Variants in SETBP1 observed in about 807,000 individuals in gnomAD.
SETBP1 encodes SET-binding protein.
SETBP1 carries 9 observed loss-of-function variants against 101.0 expected under a neutral mutation model. The observed-to-expected ratio is 0.09, with a 90% CI of 0.05 to 0.16. The LOEUF (loss-of-function observed/expected upper bound fraction) is 0.16, where lower values mean the gene tolerates loss of function less well. Ranked by LOEUF, SETBP1 falls within the 10% of genes least tolerant of loss-of-function variation. The pLI is 1.00. For missense variants in SETBP1, 1,858 were observed against 2,033.8 expected, an observed-to-expected ratio of 0.91 and a Z score of 1.66; for synonymous variants, 818 against 788.5, an observed-to-expected ratio of 1.04 and a Z score of -0.63.
At chr18:44,913,062 A>G (rs2070349207) in intron 3 of SETBP1, among the ~76,000 whole-genome samples, 1 of 152,156 alleles carries the variant, frequency 6.6e-6, no homozygotes, top group Non-Finnish European at 1.5e-5. Flanking sequence ...AGAGGAGACA[A>G]TGTCCTTTGA....
At chr18:45,040,593 G>T (rs1206834491) in intron 5 of SETBP1, among the ~76,000 whole-genome samples, 1 of 151,218 alleles carries the variant, frequency 6.6e-6, no homozygotes, top group Non-Finnish European at 1.5e-5. Context: ...CCAAAGACAG[G>T]TGGTCCCCCA....
At chr18:44,782,333 A>C (rs2071148593) in intron 2 of SETBP1, among the ~76,000 whole-genome samples, 1 of 152,050 alleles carries the variant, frequency 6.6e-6, no homozygotes, top group Admixed American at 6.5e-5. Context: ...TTCCAAAAAG[A>C]AATGTATTTT....
At chr18:44,953,599 C>T (rs1402647674) in intron 4 of SETBP1, among the ~76,000 whole-genome samples, 1 of 152,196 alleles carries the variant, frequency 6.6e-6, no homozygotes, top group African/African-American at 2.4e-5. Context: ...AGGCTGCAGT[C>T]GTGCCCACTA....
chr18:44,868,305 G>A (rs2069174123), intron 2 of SETBP1, among the ~76,000 whole-genome samples: 2 of 151,718 alleles, frequency 1.3e-5, no homozygotes, highest in Admixed American at 1.3e-4. Context: ...TAAAATCATA[G>A]GCAACATATG....
intron 4 of SETBP1, among the ~76,000 whole-genome samples, chr18:45,009,525 A>G (rs2072795618): frequency 1.3e-5 from 2 of 151,736 alleles, no homozygotes; most frequent in East Asian, 3.9e-4. Context: ...TTTTGTTGTC[A>G]TCATTCAGTC....
chr18:44,825,573 A>T (rs2072220539), intron 2 of SETBP1, among the ~76,000 whole-genome samples: 1 of 152,276 alleles, frequency 6.6e-6, no homozygotes, highest in South Asian at 2.1e-4. Context: ...TAAATTGGAT[A>T]TCCAAGAAAA....
At position 44,945,248 on chromosome 18, in the gene SETBP1, C is replaced by G. The variant is rs552008793; in HGVS notation, c.541-4633C>G. On this transcript the variant is annotated intron_variant, in intron 3 of 5. Coordinates refer to ENST00000649279, the MANE Select transcript of SETBP1 (RefSeq NM_015559.3). Reference sequence around the variant, plus strand: ...CTACTCAACTGACAAAGGGCTAATACCCAGAATCTACAAAGAACTCAAACA... The same window carrying G: ...CTACTCAACTGACAAAGGGCTAATAGCCAGAATCTACAAAGAACTCAAACA... Among the ~76,000 whole-genome samples the G allele has an allele frequency of 3.9e-5, 6 of 152,106 alleles. No homozygotes were observed. In the South Asian group the frequency reaches 1.2e-3, roughly 32 times the overall value.
At chr18:45,012,644 G>A (rs1000199164) in intron 4 of SETBP1, among the ~76,000 whole-genome samples, 3 of 151,996 alleles carry the variant, frequency 2.0e-5, no homozygotes, top group African/African-American at 7.3e-5. Context: ...AGAAAATGTG[G>A]TATATATGCA....
intron 4 of SETBP1, chr18:44,970,305 C>T (rs1306614408): frequency 6.5e-6 from 1 of 154,342 alleles, no homozygotes; most frequent in African/African-American, 2.4e-5. Context: ...GTTTGCAAAT[C>T]CAAAATAGAG....
chr18:44,900,638 C>T (rs2070022283), intron 3 of SETBP1, among the ~76,000 whole-genome samples: 2 of 152,114 alleles, frequency 1.3e-5, no homozygotes, highest in South Asian at 4.1e-4. Context: ...AAAGTGTGCC[C>T]CCCAGACCAG....
chr18:44,904,595 C>G (rs2070129160), intron 3 of SETBP1, among the ~76,000 whole-genome samples: 1 of 152,124 alleles, frequency 6.6e-6, no homozygotes, highest in Non-Finnish European at 1.5e-5. Context: ...TTACAGAGCA[C>G]AGGTTGTAAT....
intron 2 of SETBP1, among the ~76,000 whole-genome samples, chr18:44,779,474 G>T (rs144556822): frequency 1.5e-4 from 23 of 152,324 alleles, no homozygotes; most frequent in African/African-American, 4.8e-4. Flanking sequence ...CATGTATGAG[G>T]TTCCTTTTGT....
At chr18:44,999,699 C>G (rs2072575971) in intron 4 of SETBP1, among the ~76,000 whole-genome samples, 1 of 152,200 alleles carries the variant, frequency 6.6e-6, no homozygotes, top group African/African-American at 2.4e-5. Context: ...TTGCTAAAGT[C>G]AGCTAAACCT....
intron 4 of SETBP1, among the ~76,000 whole-genome samples, chr18:44,991,409 A>C (rs928167342): frequency 6.6e-6 from 1 of 152,108 alleles, no homozygotes; most frequent in African/African-American, 2.4e-5. Context: ...ACATATACCT[A>C]AAATATATGG....
chr18:44,754,045 C>G (rs558889880), intron 2 of SETBP1, among the ~76,000 whole-genome samples: 3 of 152,166 alleles, frequency 2.0e-5, no homozygotes, highest in Non-Finnish European at 2.9e-5. Flanking sequence ...CACCATAGAT[C>G]GCCTCTGTTC....
chr18:44,763,089 A>G (rs2070693661), intron 2 of SETBP1, among the ~76,000 whole-genome samples: 1 of 152,218 alleles, frequency 6.6e-6, no homozygotes, highest in East Asian at 1.9e-4. Context: ...AAGAGACCTC[A>G]TTTACAGAAG....
intron 4 of SETBP1, among the ~76,000 whole-genome samples, chr18:44,985,850 AG>A (rs777798243): frequency 2.0e-4 from 31 of 152,244 alleles, no homozygotes; most frequent in Non-Finnish European, 4.3e-4. Context: ...GAGATCCTGC[AG>A]GGGAAGCTAA....
intron 2 of SETBP1, among the ~76,000 whole-genome samples, chr18:44,828,072 TCA>T: frequency 6.6e-6 from 1 of 152,232 alleles, no homozygotes. Context: ...ATAAATGTAT[TCA>T]CTTCTCAAAG....
chr18:45,032,544 G>C (rs753741901), intron 4 of SETBP1, among the ~76,000 whole-genome samples: 1 of 152,146 alleles, frequency 6.6e-6, no homozygotes, highest in Non-Finnish European at 1.5e-5. Flanking sequence ...ATCCTAGAAT[G>C]AAGTAAAACT....
Sources: gnomAD v4.1 joint callset for allele counts (sites outside exome capture counted in the v4.1 genomes callset) on GRCh38, gnomAD v4.1.1 for gene constraint, MANE v1.5 for transcripts, NCBI Gene and HGNC (gene_info 2026-07-23, HGNC 2026-07-21) for gene names.